Variants in AGBL4 observed in about 807,000 individuals in gnomAD.
The protein encoded by AGBL4 is AGBL carboxypeptidase 4.
A neutral mutation model predicts 66.4 loss-of-function variants in AGBL4; 58 were observed. The observed-to-expected ratio is 0.87, with a 90% confidence interval of 0.71 to 1.09. The LOEUF is 1.09. AGBL4 is among the 50% of genes least tolerant of loss of function. The pLI, the probability that AGBL4 is intolerant of heterozygous loss-of-function variation, is 0.00. For missense variants in AGBL4, 579 were observed against 631.0 expected, an observed-to-expected ratio of 0.92 and a Z score of 0.88; for synonymous variants, 234 against 222.9, an observed-to-expected ratio of 1.05 and a Z score of -0.44.
At chr1:49,600,286 TGGG>T (rs1340047692) in intron 3 of AGBL4, among the ~76,000 whole-genome samples, 1 of 152,204 alleles carries the variant, frequency 6.6e-6, no homozygotes, top group African/African-American at 2.4e-5. Context: ...TTTATGAATC[TGGG>T]TGCTCCTGTA....
chr1:49,994,763 A>T lies in AGBL4; in HGVS notation c.34+29000T>A, dbSNP rs1660235275. On this transcript the variant is annotated intron_variant, in intron 1 of 13. Transcript: ENST00000371839. ...CTCAGAGAATCTACAGACCCTTTGA[A>T]GGAAGCAGCTTGCTGCTGCAGACTC... 1.3e-5 allele frequency: 3 copies of T among 225,312 alleles called. No homozygotes were observed. In the South Asian group the frequency reaches 1.9e-4, roughly 15 times the overall value. 14.0% of individuals were successfully genotyped at this position (225,312 alleles called of 1,614,324 possible).
Position 48,954,448 on chromosome 1 carries a change from C to G in AGBL4, c.595-87218G>C, listed in dbSNP as rs374901566. Among the ~76,000 whole-genome samples the G allele has an allele frequency of 2.0e-4, 30 of 152,328 alleles. No homozygotes were observed. In the East Asian group the frequency reaches 3.1e-3, roughly 16 times the overall value. On this transcript the variant is annotated intron_variant, in intron 5 of 13. Transcript: ENST00000371839. ...TATTCAGTCTTTATTATGTCAGGCA[C>G]TGTGCAGAGTCACAGAGAGCAGAAA...
intron 1 of AGBL4, among the ~76,000 whole-genome samples, chr1:49,974,223 G>C (rs2148370019): frequency 6.6e-6 from 1 of 152,080 alleles, no homozygotes; most frequent in African/African-American, 2.4e-5. Context: ...GCTCAATGAG[G>C]GGAAACAGAA....
intron 7 of AGBL4, among the ~76,000 whole-genome samples, chr1:48,662,918 G>C (rs570700286): frequency 6.6e-6 from 1 of 152,182 alleles, no homozygotes; most frequent in African/African-American, 2.4e-5. Flanking sequence ...AGCCCTCCCT[G>C]TTCATTTATC....
chr1:48,600,997 T>C (rs1645066139), intron 9 of AGBL4, among the ~76,000 whole-genome samples: 1 of 152,110 alleles, frequency 6.6e-6, no homozygotes, highest in Non-Finnish European at 1.5e-5. Flanking sequence ...CAGAGAGAGA[T>C]GAGAGGCTCA....
intron 1 of AGBL4, among the ~76,000 whole-genome samples, chr1:49,996,782 C>T (rs532622160): frequency 9.9e-5 from 15 of 152,120 alleles, no homozygotes; most frequent in South Asian, 6.2e-4. Context: ...AACATCAAGA[C>T]GAAGGAAAGT....
chr1:49,611,026 A>G (rs1645145201), intron 3 of AGBL4, among the ~76,000 whole-genome samples: 1 of 152,248 alleles, frequency 6.6e-6, no homozygotes, highest in Non-Finnish European at 1.5e-5. Flanking sequence ...GAAAGCTGTT[A>G]TCTTTCTCCA....
At chr1:49,454,379 G>A (rs891712720) in intron 3 of AGBL4, among the ~76,000 whole-genome samples, 4 of 151,788 alleles carry the variant, frequency 2.6e-5, no homozygotes, top group African/African-American at 7.2e-5. Flanking sequence ...GCCAAATGTG[G>A]AACAGGCTTC....
chr1:49,562,132 T>C (rs1644064382), intron 3 of AGBL4, among the ~76,000 whole-genome samples: 1 of 152,216 alleles, frequency 6.6e-6, no homozygotes. Context: ...GTTCATATCC[T>C]TCGCCGACTT....
intron 2 of AGBL4, among the ~76,000 whole-genome samples, chr1:49,843,123 T>C (rs1646042754): frequency 6.6e-6 from 1 of 151,980 alleles, no homozygotes; most frequent in Non-Finnish European, 1.5e-5. Context: ...AGGGTCACAT[T>C]AGGGTCCCTC....
At chr1:49,460,901 G>A (rs1384924636) in intron 3 of AGBL4, among the ~76,000 whole-genome samples, 1 of 151,604 alleles carries the variant, frequency 6.6e-6, no homozygotes, top group Non-Finnish European at 1.5e-5. Flanking sequence ...TAATTGTTTT[G>A]TTTTAGGAGG....
At chr1:49,002,405 C>T (rs1212474773) in intron 5 of AGBL4, among the ~76,000 whole-genome samples, 2 of 152,280 alleles carry the variant, frequency 1.3e-5, no homozygotes, top group East Asian at 1.9e-4. Flanking sequence ...TGATGATGCA[C>T]TTATTCTATC....
At chr1:48,617,569 C>T (rs1645339715) in intron 9 of AGBL4, among the ~76,000 whole-genome samples, 1 of 152,240 alleles carries the variant, frequency 6.6e-6, no homozygotes, top group Non-Finnish European at 1.5e-5. Flanking sequence ...TCCTGCTATT[C>T]TCTTCCTACG....
At chr1:49,756,503 T>C (rs1571497130) in intron 2 of AGBL4, among the ~76,000 whole-genome samples, 2 of 152,282 alleles carry the variant, frequency 1.3e-5, no homozygotes, top group South Asian at 4.1e-4. Context: ...GAATGCTAAA[T>C]AAAATGACTG....
chr1:48,605,600 T>C (rs1304097071), intron 9 of AGBL4, among the ~76,000 whole-genome samples: 1 of 152,218 alleles, frequency 6.6e-6, no homozygotes, highest in Non-Finnish European at 1.5e-5. Context: ...TCTCTATTTC[T>C]CCCACTGGAC....
intron 2 of AGBL4, among the ~76,000 whole-genome samples, chr1:49,744,623 A>G (rs1011693887): frequency 5.9e-5 from 9 of 152,178 alleles, no homozygotes; most frequent in Non-Finnish European, 1.3e-4. Flanking sequence ...AATACAGAGC[A>G]TCAGCAAAAA....
rs556445264 is a variant in AGBL4, at chr1:48,827,881, G to A, written c.634+39310C>T. On this transcript the variant is annotated intron_variant, in intron 6 of 13. Coordinates refer to ENST00000371839, the MANE Select transcript of AGBL4 (RefSeq NM_032785.4). Reference sequence around the variant, plus strand: ...TAAGTATTGAAAATGGGGGCCAGGAGCGGCGGCTCATGCCTGTAATCCCAG... The same window carrying A: ...TAAGTATTGAAAATGGGGGCCAGGAACGGCGGCTCATGCCTGTAATCCCAG... 5.3e-5 allele frequency among the ~76,000 whole-genome samples: 8 copies of A among 152,150 alleles called. No individual in the cohort carries two copies. In the South Asian group the frequency reaches 1.7e-3, roughly 32 times the overall value.
chr1:49,654,326 G>A (rs1314051444), intron 3 of AGBL4, among the ~76,000 whole-genome samples: 2 of 152,296 alleles, frequency 1.3e-5, no homozygotes, highest in East Asian at 1.9e-4. Context: ...CATTTGCTGA[G>A]GAGTGCTTTA....
Position 48,736,189 on chromosome 1 carries a change from C to CA in AGBL4, c.635-72949dup, listed in dbSNP as rs1408891721. The CA allele has an allele frequency of 3.2e-6, 5 of 1,553,890 alleles. No individual in the cohort carries two copies. The African/African-American group carries it at 6.8e-5, about 21-fold the overall frequency. On this transcript the variant is annotated intron_variant, in intron 6 of 13. Coordinates refer to ENST00000371839, the MANE Select transcript of AGBL4 (RefSeq NM_032785.4). This position sits in a 1 kb window ranked among gnomAD's most constrained non-coding sequence, Gnocchi z 4.0. ...TGAATTGTGCCTAACACATTCTTGA[C>CA]AGAGTAAAAGACAGAATCCCAGCCA...
Sources: gnomAD v4.1 joint callset for allele counts (sites outside exome capture counted in the v4.1 genomes callset) on GRCh38, gnomAD v4.1.1 for gene constraint, Gnocchi (gnomAD v3.1) non-coding constraint, MANE v1.5 for transcripts, NCBI Gene and HGNC (gene_info 2026-07-23, HGNC 2026-07-21) for gene names.